Variants in SDHC observed in about 807,000 individuals in gnomAD.
SDHC encodes the protein succinate dehydrogenase complex subunit C.
A neutral mutation model predicts 22.6 loss-of-function variants in SDHC; 11 were observed. The observed-to-expected ratio is 0.49, with a 90% confidence interval of 0.31 to 0.81. SDHC has a LOEUF of 0.81. SDHC is among the 30% of genes least tolerant of loss of function. The pLI, the probability that SDHC is intolerant of heterozygous loss-of-function variation, is 0.05. For synonymous variants in SDHC, 80 were observed against 77.8 expected (o/e 1.03, Z -0.15); for missense variants, 160 against 212.0 (o/e 0.75, Z 1.52).
At chr1:161,336,325 C>T (rs144896745) in intron 3 of SDHC, among the ~76,000 whole-genome samples, 161 of 151,966 alleles carry the variant, frequency 1.1e-3, no homozygotes, top group African/African-American at 3.7e-3. Flanking sequence ...CGTGGTGGCA[C>T]GTGCTTGTAG....
At chr1:161,350,758 G>A (rs1243883328) in intron 4 of SDHC, among the ~76,000 whole-genome samples, 1 of 152,136 alleles carries the variant, frequency 6.6e-6, no homozygotes. Context: ...TCTTTGTGCT[G>A]TGATGAAAAG....
intron 3 of SDHC, chr1:161,339,662 GTTTTTTTTTTTTTTTTT>G (rs532317918): frequency 4.0e-5 from 2 of 50,068 alleles, no homozygotes; most frequent in South Asian, 2.4e-4. Flanking sequence ...TGATACAGGT[GTTTTTTTTTTTTTTTTT>G]TTTTTTTTTT....
At chr1:161,325,426 TC>T (rs1221098791) in intron 2 of SDHC, among the ~76,000 whole-genome samples, 1 of 152,094 alleles carries the variant, frequency 6.6e-6, no homozygotes, top group East Asian at 1.9e-4. Flanking sequence ...ATGCCTGTAA[TC>T]CTAGCACTTT....
chr1:161,345,959 C>T (rs1171083009), intron 4 of SDHC, among the ~76,000 whole-genome samples: 1 of 152,016 alleles, frequency 6.6e-6, no homozygotes, highest in Non-Finnish European at 1.5e-5. Flanking sequence ...GCACCCACTA[C>T]CATGCACGGC....
Position 161,337,061 on chromosome 1 carries a change from G to GGTT in SDHC, c.180-3533_180-3532insGTT, listed in dbSNP as rs1428173311. Among the ~76,000 whole-genome samples the GGTT allele has an allele frequency of 3.7e-5, 5 of 133,906 alleles. No individual in the cohort carries two copies. In the South Asian group the frequency reaches 7.2e-4, roughly 19 times the overall value. 87.8% of individuals were successfully genotyped at this position (133,906 alleles called of 152,430 possible). A position where few individuals can be genotyped will look rare whatever the true frequency, so the allele number is the denominator to read the frequency against. On this transcript the variant is annotated intron_variant, in intron 3 of 5. Transcript: ENST00000367975. ...ATGTTTGTATTTTTTGTAGAAATGG[G>GGTT]TTTTTTTTTTTTTTTTGCCATCTTG...
intron 5 of SDHC, among the ~76,000 whole-genome samples, chr1:161,357,590 G>A (rs550328247): frequency 2.0e-4 from 31 of 151,856 alleles, no homozygotes; most frequent in African/African-American, 7.2e-4. Flanking sequence ...TAGTAGAGAT[G>A]GGGTTTCCCC....
intron 4 of SDHC, among the ~76,000 whole-genome samples, chr1:161,354,734 AC>A (rs1424183131): frequency 1.5e-5 from 2 of 137,186 alleles, no homozygotes; most frequent in African/African-American, 2.8e-5. Flanking sequence ...ATGGAGCCTC[AC>A]GCCTCACTCT....
chr1:161,358,497 T>G (rs1282917621), intron 5 of SDHC, among the ~76,000 whole-genome samples: 1 of 151,788 alleles, frequency 6.6e-6, no homozygotes, highest in Non-Finnish European at 1.5e-5. Context: ...ATTAGCCAGG[T>G]ATGGTGGTGT....
intron 1 of SDHC, among the ~76,000 whole-genome samples, chr1:161,319,454 G>GT (rs1269124306): frequency 1.6e-3 from 234 of 147,458 alleles, no homozygotes; most frequent in African/African-American, 3.3e-3. Flanking sequence ...TTTGGTTTTG[G>GT]TTTTTTTTTT....
chr1:161,323,472 A>G, intron 1 of SDHC, 142 bp from the exon 2 acceptor site: 1 of 663,818 alleles, frequency 1.5e-6, no homozygotes, highest in South Asian at 1.7e-5. Context: ...TTTCAACTAG[A>G]AAATGGTATC....
Position 161,314,413 on chromosome 1 carries a change from C to T in SDHC, c.8C>T (p.Ala3Val), listed in dbSNP as rs142139022. The T allele has an allele frequency of 2.1e-5, 34 of 1,613,216 alleles. No homozygotes were observed. Among genetic ancestry groups the T allele is most frequent in the African/African-American group, 2.7e-5 (2 of 74,358 alleles). MA[A>V]LLLRHVGRHC... ...TCCAGACCGGAACCCAAGATGGCTG[C>T]GCTGTTGCTGAGGTGACTTCAGTGG... The change falls in exon 1 of 6, where the codon GCG becomes GTG. Residue 3 changes from alanine (A) to valine (V), a missense_variant. Transcript: ENST00000367975.
At chr1:161,349,950 T>G (rs2102356239) in intron 4 of SDHC, among the ~76,000 whole-genome samples, 1 of 152,242 alleles carries the variant, frequency 6.6e-6, no homozygotes, top group Admixed American at 6.5e-5. Flanking sequence ...CGCTCTTGTC[T>G]CCCAGGCTGG....
At chr1:161,314,618 G>C in intron 1 of SDHC, 193 bp downstream of exon 1, 1 of 640,986 alleles carries the variant, frequency 1.6e-6, no homozygotes, top group Non-Finnish European at 2.7e-6. Flanking sequence ...GCTCCGTAGG[G>C]CTTCGGGGTC....
intron 3 of SDHC, 134 bp from the exon 4 acceptor site, chr1:161,340,458 CGA>C (rs1671678841): frequency 2.8e-6 from 2 of 715,774 alleles, no homozygotes; most frequent in Non-Finnish European, 4.8e-6. Context: ...GGCAACAGAG[CGA>C]GACTCTGTCT....
chr1:161,315,969 A>G lies in SDHC; in HGVS notation c.20+1544A>G, dbSNP rs183866554. 2.7e-3 allele frequency among the ~76,000 whole-genome samples: 410 copies of G among 152,250 alleles called. 3 individuals carry two copies. Among genetic ancestry groups the G allele is most frequent in the African/African-American group, 9.5e-3 (393 of 41,530 alleles). ...AGAAGGACAAAGGTCTCTGCATCAT[A>G]AGGTAAAGAATTAAGTGGTGTGCTT... On this transcript the variant is annotated intron_variant, in intron 1 of 5. Transcript: ENST00000367975.
At chr1:161,335,524 G>A (rs74127629) in intron 3 of SDHC, among the ~76,000 whole-genome samples, 17,804 of 152,012 alleles carry the variant, frequency 0.12, 1,412 homozygotes, top group African/African-American at 0.22. Context: ...GGTAAAGCTT[G>A]CTTTTTTTAT....
At chr1:161,357,652 G>A (rs758051432) in intron 5 of SDHC, among the ~76,000 whole-genome samples, 1 of 152,092 alleles carries the variant, frequency 6.6e-6, no homozygotes, top group East Asian at 1.9e-4. Context: ...ACCCCTCTCA[G>A]CTTCCCAAAG....
chr1:161,356,159 A>G (rs1571889165), intron 4 of SDHC, among the ~76,000 whole-genome samples: 2 of 152,184 alleles, frequency 1.3e-5, no homozygotes, highest in African/African-American at 2.4e-5. Flanking sequence ...GAGGAATAAC[A>G]TACTAAAACA....
At chr1:161,322,019 A>G (rs981819978) in intron 1 of SDHC, among the ~76,000 whole-genome samples, 1 of 152,210 alleles carries the variant, frequency 6.6e-6, no homozygotes, top group African/African-American at 2.4e-5. Context: ...CACAATGAAC[A>G]TCCCTTTTCT....
Sources: gnomAD v4.1 joint callset for allele counts (sites outside exome capture counted in the v4.1 genomes callset) on GRCh38, gnomAD v4.1.1 for gene constraint, MANE v1.5 for transcripts, NCBI Gene and HGNC (gene_info 2026-07-23, HGNC 2026-07-21) for gene names.